The following CDC27 variants were observed in gnomAD, a reference collection of about 807,000 sequenced individuals.
CDC27 encodes the protein cell division cycle 27.
In CDC27, 27 loss-of-function variants were observed where a neutral mutation model predicts 109.7. That is an observed-to-expected ratio of 0.25 (90% CI 0.18 to 0.34). The LOEUF (loss-of-function observed/expected upper bound fraction) is 0.34. Ranked by LOEUF, CDC27 falls within the 10% of genes least tolerant of loss-of-function variation. The pLI is 1.00. For missense variants in CDC27, 579 were observed against 960.2 expected (o/e 0.60, Z 5.25); for synonymous variants, 266 against 333.9 (o/e 0.80, Z 2.22).
intron 13 of CDC27, among the ~76,000 whole-genome samples, 154 bp from the exon 14 acceptor site, chr17:47,137,514 A>C (rs193006158): frequency 1.2e-3 from 177 of 152,318 alleles, no homozygotes; most frequent in Middle Eastern, 6.8e-3. Context: ...CAGATTCCAT[A>C]TTTGTGAATT....
chr17:47,150,141 T>C (rs1173388053), intron 9 of CDC27, among the ~76,000 whole-genome samples: 2 of 152,216 alleles, frequency 1.3e-5, no homozygotes, highest in Middle Eastern at 3.2e-3. Flanking sequence ...TTCTGTGCTA[T>C]ACATGAAATT....
chr17:47,123,779 G>C, intron 17 of CDC27, 107 bp downstream of exon 17: 2 of 703,772 alleles, frequency 2.8e-6, no homozygotes, highest in African/African-American at 1.8e-5. Context: ...CGGAGCTTTA[G>C]TTTAATTTGC....
In CDC27 at chr17:47,141,346, T is replaced by C. The variant is rs145069806; in HGVS notation, c.1551+507A>G. ...TTTTCTTTGGCTTTAGGTTAATCATTCTCTCCTTTTCTGGTATAGACAGAT... is the reference window on the plus strand; with the variant it reads ...TTTTCTTTGGCTTTAGGTTAATCATCCTCTCCTTTTCTGGTATAGACAGAT... On this transcript the variant is annotated intron_variant, in intron 12 of 18. Transcript: ENST00000066544. 5.8e-3 allele frequency among the ~76,000 whole-genome samples: 876 copies of C among 152,250 alleles called. 3 individuals are homozygous for C. The highest frequency in any genetic ancestry group is 9.6e-3 in the Non-Finnish European group (654 of 67,998).
chr17:47,133,064 C>T (rs28854256), intron 14 of CDC27, among the ~76,000 whole-genome samples: 9,346 of 56,560 alleles, frequency 0.17, 609 homozygotes, highest in African/African-American at 0.21. Context: ...CATACATATA[C>T]ACACACACAC....
At chr17:47,134,018 C>T (rs79400513) in intron 14 of CDC27, among the ~76,000 whole-genome samples, 15,969 of 152,042 alleles carry the variant, frequency 0.11, 951 homozygotes, top group South Asian at 0.2. Flanking sequence ...ACCAAAGTGC[C>T]GGGATTGCAG....
chr17:47,129,898 C>T (rs1300665236), intron 15 of CDC27, among the ~76,000 whole-genome samples: 2 of 152,092 alleles, frequency 1.3e-5, no homozygotes, highest in Non-Finnish European at 2.9e-5. Flanking sequence ...CCTTGGTGTT[C>T]TATTCATAAA....
At chr17:47,182,351 A>G (rs976289357) in intron 1 of CDC27, among the ~76,000 whole-genome samples, 1 of 152,226 alleles carries the variant, frequency 6.6e-6, no homozygotes, top group Non-Finnish European at 1.5e-5. Context: ...ATTTTAAGTA[A>G]CAATAACCAA....
At chr17:47,161,916 C>T (rs918746673) in intron 4 of CDC27, 21 of 151,294 alleles carry the variant, frequency 1.4e-4, no homozygotes, top group African/African-American at 4.9e-4. Flanking sequence ...AAATCTCTGT[C>T]TGGTGAGAAT....
At chr17:47,127,778 C>T (rs1392422974) in intron 16 of CDC27, among the ~76,000 whole-genome samples, 6 of 152,058 alleles carry the variant, frequency 3.9e-5, no homozygotes, top group Admixed American at 3.9e-4. Flanking sequence ...AAACAGCTCA[C>T]TGCAACCTCC....
In CDC27 at chr17:47,119,309, T is replaced by G. The variant is rs548934011; in HGVS notation, c.*1626A>C. 7 of 152,302 alleles carry G rather than the reference T, an allele frequency of 4.6e-5. 1 individual carries two copies. The South Asian group carries it at 1.5e-3, about 32-fold the overall frequency. The allele number at this position is 152,302 out of a possible 1,614,324, so 9.4% of individuals were successfully genotyped here. On this transcript the variant is annotated 3_prime_UTR_variant, in exon 19 of 19. Transcript: ENST00000066544. ...GGTAGGGAAATCTGTTAAATATCTCTCTGGCACCTGATACCTAAAGACCCT... is the reference window on the plus strand; with the variant it reads ...GGTAGGGAAATCTGTTAAATATCTCGCTGGCACCTGATACCTAAAGACCCT...
At chr17:47,182,271 T>G (rs1178257796) in intron 1 of CDC27, among the ~76,000 whole-genome samples, 1 of 152,220 alleles carries the variant, frequency 6.6e-6, no homozygotes, top group Non-Finnish European at 1.5e-5. Context: ...ACTTTTAATT[T>G]TTTGAATATA....
intron 8 of CDC27, among the ~76,000 whole-genome samples, chr17:47,154,088 CAA>C (rs536543231): frequency 5.0e-4 from 35 of 70,630 alleles, no homozygotes; most frequent in South Asian, 8.0e-4. Context: ...GACCCTGTCT[CAA>C]AAAAAAAAAA....
At chr17:47,153,120 T>C (rs2063199436) in intron 8 of CDC27, among the ~76,000 whole-genome samples, 1 of 152,266 alleles carries the variant, frequency 6.6e-6, no homozygotes, top group Non-Finnish European at 1.5e-5. Flanking sequence ...CTCTGGCTTT[T>C]CCTTATTTAT....
At chr17:47,139,549 G>C (rs919570336) in intron 12 of CDC27, among the ~76,000 whole-genome samples, 2 of 152,012 alleles carry the variant, frequency 1.3e-5, no homozygotes, top group East Asian at 3.9e-4. Context: ...TTACAGGCAT[G>C]AGCCACCACA....
intron 1 of CDC27, among the ~76,000 whole-genome samples, chr17:47,182,442 C>A (rs1258594277): frequency 6.6e-6 from 1 of 152,136 alleles, no homozygotes; most frequent in Admixed American, 6.5e-5. Context: ...CTTGTTGATA[C>A]CAAAACCTCT....
chr17:47,125,438 G>A (rs34577788), intron 16 of CDC27, among the ~76,000 whole-genome samples: 2,124 of 149,486 alleles, frequency 0.014, 49 homozygotes, highest in African/African-American at 0.05. Flanking sequence ...GTAGACACGC[G>A]GTTTCACCAT....
intron 12 of CDC27, among the ~76,000 whole-genome samples, chr17:47,141,147 T>C (rs2062781165): frequency 6.6e-6 from 1 of 152,204 alleles, no homozygotes; most frequent in Non-Finnish European, 1.5e-5. Context: ...CAGAGATATA[T>C]ATTGAATAAA....
At chr17:47,170,075 C>A in intron 3 of CDC27, 33 bp from the exon 4 acceptor site, 1 of 1,432,816 alleles carries the variant, frequency 7.0e-7, no homozygotes, top group South Asian at 1.6e-5. Context: ...TTTTTAAAAA[C>A]CAATATAAAA....
intron 14 of CDC27, among the ~76,000 whole-genome samples, chr17:47,136,160 CA>C (rs950964505): frequency 1.7e-4 from 25 of 146,510 alleles, no homozygotes; most frequent in African/African-American, 2.5e-4. Flanking sequence ...AACAAACAAA[CA>C]AAAAAAAAAC....
Sources: allele counts gnomAD v4.1 joint callset (sites outside exome capture counted in the v4.1 genomes callset), GRCh38; gene constraint gnomAD v4.1.1; transcripts MANE v1.5; gene names NCBI Gene and HGNC (gene_info 2026-07-23, HGNC 2026-07-21).